ATAD3A: variants seen among roughly 807,000 people sequenced by gnomAD.
The protein encoded by ATAD3A is ATPase family AAA domain-containing protein 3A.
A neutral mutation model predicts 73.8 loss-of-function variants in ATAD3A; 46 were observed. The ratio of observed to expected loss-of-function variants is 0.62; its 90% CI spans 0.49 to 0.80. The LOEUF is 0.80. Ranked by LOEUF, ATAD3A falls within the 30% of genes least tolerant of loss-of-function variation. ATAD3A has a pLI of 0.00. For synonymous variants in ATAD3A, 319 were observed against 350.0 expected, an observed-to-expected ratio of 0.91 and a Z score of 0.99; for missense variants, 705 against 838.0, an observed-to-expected ratio of 0.84 and a Z score of 1.96.
intron 14 of ATAD3A, 64 bp downstream of exon 14, chr1:1,527,926 A>C: frequency 1.3e-6 from 2 of 1,490,218 alleles, no homozygotes; most frequent in Non-Finnish European, 1.8e-6. Context: ...CCCGACCCAC[A>C]GTCCACCATC....
chr1:1,522,990 C>T (rs1319636978), intron 8 of ATAD3A, 91 bp downstream of exon 8: 113 of 1,533,880 alleles, frequency 7.4e-5, no homozygotes, highest in Non-Finnish European at 2.5e-5. Flanking sequence ...CCTCCCGTCC[C>T]TTCCCTTTCC....
At position 1,532,500 on chromosome 1, in the gene ATAD3A, C is replaced by T. The variant is rs184130474; in HGVS notation, c.1615-1426C>T. 8.5e-5 allele frequency among the ~76,000 whole-genome samples: 13 copies of T among 152,298 alleles called. No homozygotes were observed. In the East Asian group the frequency reaches 2.3e-3, roughly 27 times the overall value. ...ACTTCCTGGGCCTGGGACCTTGCCA[C>T]GTGGTGAACATCATGTGTCACTGTT... On this transcript the variant is annotated intron_variant, in intron 15 of 15. Coordinates refer to ENST00000378756, the MANE Select transcript of ATAD3A (RefSeq NM_001170535.3).
At chr1:1,518,134 C>T (rs1277063863) in intron 4 of ATAD3A, among the ~76,000 whole-genome samples, 1 of 150,926 alleles carries the variant, frequency 6.6e-6, no homozygotes, top group African/African-American at 2.4e-5. Flanking sequence ...CCTGCACTCA[C>T]ACACCCGCAA....
Position 1,518,801 on chromosome 1 carries a change from TCA to T in ATAD3A, c.445-116_445-115del, listed in dbSNP as rs1641480724. 6 of 1,567,842 alleles carry T rather than the reference TCA, an allele frequency of 3.8e-6. No homozygotes were observed. In the East Asian group the frequency reaches 1.4e-4, roughly 36 times the overall value. Reference sequence around the variant, plus strand: ...CGTCACCCCCCGCAAACGGGCACCGTCACACCCCGCAAACGGGCACACTCACC... The same window carrying T: ...CGTCACCCCCCGCAAACGGGCACCGTCACCCCGCAAACGGGCACACTCACC... On this transcript the variant is annotated intron_variant, in intron 4 of 15. Transcript: ENST00000378756.
At position 1,525,338 on chromosome 1, in the gene ATAD3A, A is replaced by G. The variant is rs200032986; in HGVS notation, c.1266+47A>G. The G allele has an allele frequency of 1.9e-5, 31 of 1,610,818 alleles. No individual in the cohort carries two copies. In the African/African-American group the frequency reaches 2.7e-4, roughly 14 times the overall value. ...GCCACAATGGGGTGGTGGGGTGGGC[A>G]CAGCCGTCTGCCTGGGCCAGGCTGC... On this transcript the variant is annotated intron_variant, in intron 12 of 15. Coordinates refer to ENST00000378756, the MANE Select transcript of ATAD3A (RefSeq NM_001170535.3).
At position 1,524,362 on chromosome 1, in the gene ATAD3A, C is replaced by T. The variant is rs1213317621; in HGVS notation, c.1179C>T (p.His393=). 11 of 1,610,894 alleles carry T rather than the reference C, an allele frequency of 6.8e-6. No homozygotes were observed. Among genetic ancestry groups the T allele is most frequent in the Middle Eastern group, 1.7e-4 (1 of 6,058 alleles). The change falls in exon 11 of 16, where the codon CAC becomes CAT. Residue 393 remains histidine (H), a synonymous_variant. Transcript: ENST00000378756. ...PMGREGVTAM[H]KLFDWANTSR... ...GGCGGGAAGGCGTGACCGCCATGCACAAGCTCTTTGACTGGGCCAATACCA... is the reference window on the plus strand; with the variant it reads ...GGCGGGAAGGCGTGACCGCCATGCATAAGCTCTTTGACTGGGCCAATACCA...
At chr1:1,529,122 T>G in intron 14 of ATAD3A, 101 bp from the exon 15 acceptor site, 12 of 1,504,360 alleles carry the variant, frequency 8.0e-6, no homozygotes, top group Non-Finnish European at 1.1e-5. Context: ...CCAAAGAGGA[T>G]GTTTGGCGTG....
chr1:1,520,672 G>T lies in ATAD3A; in HGVS notation c.750+55G>T, dbSNP rs535043829. On this transcript the variant is annotated intron_variant, in intron 7 of 15. Transcript: ENST00000378756. This position sits in a 1 kb window ranked among gnomAD's most constrained non-coding sequence, Gnocchi z 4.0. ...GGTGGCTGAGGGGCAGCATGTGGGG[G>T]CCTCCTGGAGCCCCAGGTCCTGTCC... 2.5e-6 allele frequency: 4 copies of T among 1,612,558 alleles called. No homozygotes were observed. The African/African-American group carries it at 4.0e-5, about 16-fold the overall frequency.
chr1:1,521,122 C>T (rs1356396947), intron 7 of ATAD3A, among the ~76,000 whole-genome samples: 1 of 151,558 alleles, frequency 6.6e-6, no homozygotes, highest in Admixed American at 6.6e-5. Context: ...ACGGTGAAAC[C>T]CCGTCTCTAC....
chr1:1,524,898 CT>C (rs1486011788), intron 11 of ATAD3A, among the ~76,000 whole-genome samples: 1 of 151,984 alleles, frequency 6.6e-6, no homozygotes, highest in Non-Finnish European at 1.5e-5. Flanking sequence ...GCACCCTCCC[CT>C]CTGGCCTTTG....
intron 15 of ATAD3A, among the ~76,000 whole-genome samples, chr1:1,530,854 A>AC (rs1642010872): frequency 6.8e-6 from 1 of 147,054 alleles, no homozygotes; most frequent in South Asian, 2.1e-4. Context: ...AAAAAAAAAA[A>AC]ACTAAGAATA....
In ATAD3A at chr1:1,523,443, T is replaced by C. The variant is rs1344595227; in HGVS notation, c.907-68T>C. On this transcript the variant is annotated intron_variant, in intron 8 of 15. Transcript: ENST00000378756. This position sits in a 1 kb window ranked among gnomAD's most constrained non-coding sequence, Gnocchi z 5.1. ...TTCTGCGTGTTACCGAGCGTGTGTGTGCGCGTTGGTGGCTGTTCCGTGGCT... is the reference window on the plus strand; with the variant it reads ...TTCTGCGTGTTACCGAGCGTGTGTGCGCGCGTTGGTGGCTGTTCCGTGGCT... 26 of 1,576,784 alleles carry C rather than the reference T, an allele frequency of 1.6e-5. No homozygotes were observed. The East Asian group carries it at 2.8e-4, about 17-fold the overall frequency.
rs757585474 is a variant in ATAD3A, at chr1:1,517,787, CT to C, written c.444+13del. The C allele has an allele frequency of 2.3e-5, 27 of 1,187,540 alleles. No individual in the cohort carries two copies. The African/African-American group carries it at 4.0e-4, about 18-fold the overall frequency. 73.6% of individuals were successfully genotyped at this position (1,187,540 alleles called of 1,614,324 possible). A position where few individuals can be genotyped will look rare whatever the true frequency, so the allele number is the denominator to read the frequency against. On this transcript the variant is annotated intron_variant, in intron 4 of 15. Transcript: ENST00000378756. ...AACTGAAGCAGCAGGTGAGCTCAGC[CT>C]CCCCTGCGAGGCGCCTGCGTCCCTG...
intron 2 of ATAD3A, among the ~76,000 whole-genome samples, chr1:1,516,749 AGTCT>A (rs1641371809): frequency 6.6e-6 from 1 of 151,336 alleles, no homozygotes; most frequent in Non-Finnish European, 1.5e-5. Context: ...ACAGAGTCTT[AGTCT>A]GTCTTCCAGG....
chr1:1,530,002 A>G (rs12032637), intron 15 of ATAD3A, among the ~76,000 whole-genome samples: 35,435 of 152,224 alleles, frequency 0.23, 8,609 homozygotes, highest in African/African-American at 0.6. Flanking sequence ...GAGTCTGTGT[A>G]ACAACCTGGT....
chr1:1,522,128 CT>C (rs1641621624), intron 7 of ATAD3A, among the ~76,000 whole-genome samples: 1 of 152,128 alleles, frequency 6.6e-6, no homozygotes, highest in Non-Finnish European at 1.5e-5. Context: ...CAACCTTTGC[CT>C]TCCGGGTTCA....
In ATAD3A at chr1:1,525,201, T is replaced by C. The variant is rs10465902; in HGVS notation, c.1215-39T>C. The C allele has an allele frequency of 3.7e-3, 5,950 of 1,612,488 alleles. 162 individuals are homozygous for C. The African/African-American group carries it at 0.063, about 17-fold the overall frequency. On this transcript the variant is annotated intron_variant, in intron 11 of 15. Transcript: ENST00000378756. ...GGACGCTGCTGTGGGCTGCTCCTGG[T>C]GTCACTCTCGCCCTGCTTGGCCTCC...
intron 1 of ATAD3A, among the ~76,000 whole-genome samples, chr1:1,513,275 TG>T (rs1169286406): frequency 1.3e-5 from 2 of 152,034 alleles, no homozygotes; most frequent in East Asian, 3.9e-4. Flanking sequence ...GGTTCCTTTG[TG>T]TCCTAGTTCC....
chr1:1,532,927 C>A (rs1320573171), intron 15 of ATAD3A, among the ~76,000 whole-genome samples: 1 of 151,876 alleles, frequency 6.6e-6, no homozygotes, highest in African/African-American at 2.4e-5. Flanking sequence ...CGGTCAGTGT[C>A]TCCTGCGCTC....
Sources: gnomAD v4.1 joint callset for allele counts (sites outside exome capture counted in the v4.1 genomes callset) on GRCh38, gnomAD v4.1.1 for gene constraint, Gnocchi (gnomAD v3.1) non-coding constraint, MANE v1.5 for transcripts, NCBI Gene and HGNC (gene_info 2026-07-23, HGNC 2026-07-21) for gene names.